CERS6: variants seen among roughly 807,000 people sequenced by gnomAD.
CERS6 encodes the protein ceramide synthase 6, also known as LAG1 homolog, ceramide synthase 6.
CERS6 carries 26 observed loss-of-function variants against 56.8 expected under a neutral mutation model. That is an observed-to-expected ratio of 0.46 (90% CI 0.34 to 0.63). The LOEUF (loss-of-function observed/expected upper bound fraction) is 0.63. Among genes scored for constraint, CERS6 ranks in the 30% least tolerant of loss-of-function variants. The pLI, the probability that CERS6 is intolerant of heterozygous loss-of-function variation, is 0.01. For missense variants in CERS6, 415 were observed against 467.5 expected (o/e 0.89, Z 1.04); for synonymous variants, 164 against 173.3 (o/e 0.95, Z 0.42).
At chr2:168,652,539 A>G (rs897752618) in intron 4 of CERS6, among the ~76,000 whole-genome samples, 5 of 151,972 alleles carry the variant, frequency 3.3e-5, no homozygotes, top group South Asian at 2.1e-4. Context: ...TGCTAAATAA[A>G]TAAGTAGTTT....
At chr2:168,554,015 A>G (rs1450674743) in intron 2 of CERS6, among the ~76,000 whole-genome samples, 1 of 152,184 alleles carries the variant, frequency 6.6e-6, no homozygotes, top group East Asian at 1.9e-4. Flanking sequence ...CTATTGTAGT[A>G]TTGGGTGGTG....
chr2:168,549,088 T>A (rs1695518387), intron 2 of CERS6, among the ~76,000 whole-genome samples: 1 of 152,144 alleles, frequency 6.6e-6, no homozygotes, highest in Non-Finnish European at 1.5e-5. Context: ...CATTTGTAAG[T>A]GTGATTATAA....
At position 168,746,820 on chromosome 2, in the gene CERS6, T is replaced by TATAA. The variant is rs1329677014; in HGVS notation, c.846-18771_846-18770insTAAA. Among the ~76,000 whole-genome samples, 95 of 79,984 alleles carry TATAA rather than the reference T, an allele frequency of 1.2e-3. 1 individual carries two copies. The highest frequency in any genetic ancestry group is 3.8e-3 in the African/African-American group (80 of 20,848). The allele number at this position is 79,984 out of a possible 152,430, so 52.5% of individuals were successfully genotyped here. On this transcript the variant is annotated intron_variant, in intron 8 of 9. Coordinates refer to ENST00000305747, the MANE Select transcript of CERS6 (RefSeq NM_203463.3). Reference sequence around the variant, plus strand: ...ATATATATATATATATATATATATATAAAATCATCTTTGAAAAAATGATTA... The same window carrying TATAA: ...ATATATATATATATATATATATATATATAAAAAATCATCTTTGAAAAAATGATTA...
At chr2:168,764,461 T>C (rs917123614) in intron 8 of CERS6, among the ~76,000 whole-genome samples, 6 of 152,214 alleles carry the variant, frequency 3.9e-5, no homozygotes, top group Non-Finnish European at 7.3e-5. Flanking sequence ...TGTTCTGTAA[T>C]CATTTTTGTC....
intron 1 of CERS6, among the ~76,000 whole-genome samples, chr2:168,484,712 G>T (rs1037684135): frequency 2.6e-5 from 4 of 151,818 alleles, no homozygotes; most frequent in Non-Finnish European, 5.9e-5. Flanking sequence ...TTTCCCTTCA[G>T]ATTAGAACAG....
intron 2 of CERS6, among the ~76,000 whole-genome samples, chr2:168,550,351 A>T (rs28582063): frequency 6.6e-6 from 1 of 151,914 alleles, no homozygotes; most frequent in African/African-American, 2.4e-5. Flanking sequence ...AATGTAAAAA[A>T]TTTTTTTGGA....
chr2:168,625,766 G>C (rs772746064), intron 3 of CERS6, among the ~76,000 whole-genome samples: 2 of 152,100 alleles, frequency 1.3e-5, no homozygotes, highest in African/African-American at 2.4e-5. Flanking sequence ...GAGTGAGTAG[G>C]ACAGAGAAAA....
chr2:168,531,948 C>G (rs1170158084), intron 1 of CERS6, among the ~76,000 whole-genome samples: 1 of 152,050 alleles, frequency 6.6e-6, no homozygotes, highest in Non-Finnish European at 1.5e-5. Context: ...AATTTGGGCT[C>G]CATTGTGAGA....
chr2:168,500,841 TGGA>T (rs1036224834), intron 1 of CERS6, among the ~76,000 whole-genome samples: 8 of 152,292 alleles, frequency 5.3e-5, no homozygotes, highest in African/African-American at 1.7e-4. Context: ...GTGTGTGTGT[TGGA>T]GGGAGTTTAT....
intron 4 of CERS6, among the ~76,000 whole-genome samples, chr2:168,677,607 C>T (rs945444693): frequency 6.6e-6 from 1 of 152,156 alleles, no homozygotes; most frequent in Non-Finnish European, 1.5e-5. Flanking sequence ...AAGTGATTCT[C>T]CTACCTCAGC....
At chr2:168,572,667 A>G (rs1385717074) in intron 3 of CERS6, among the ~76,000 whole-genome samples, 1 of 152,062 alleles carries the variant, frequency 6.6e-6, no homozygotes, top group Non-Finnish European at 1.5e-5. Context: ...TCCACCTCCA[A>G]CTTATGAAGG....
At chr2:168,548,468 T>G (rs1695507147) in intron 2 of CERS6, among the ~76,000 whole-genome samples, 1 of 152,170 alleles carries the variant, frequency 6.6e-6, no homozygotes, top group Admixed American at 6.5e-5. Context: ...ATTACCGAGT[T>G]TTTATATATC....
At chr2:168,540,331 G>A (rs576891897) in intron 1 of CERS6, among the ~76,000 whole-genome samples, 1 of 152,258 alleles carries the variant, frequency 6.6e-6, no homozygotes, top group South Asian at 2.1e-4. Flanking sequence ...TTGACTCACA[G>A]TTCTGCATTG....
At chr2:168,765,472 C>A in intron 8 of CERS6, 120 bp from the exon 9 acceptor site, 1 of 963,510 alleles carries the variant, frequency 1.0e-6, no homozygotes. Context: ...TCACACCATC[C>A]TGCCAGAGAG....
rs540054278 is a variant in CERS6 at position 168,460,019 on chromosome 2, C to G, written c.170+3401C>G. On this transcript the variant is annotated intron_variant, in intron 1 of 9. Transcript: ENST00000305747. ...ACTCAAATTCTAGTCAAAACTTACACTGGGGCAGCCTCCTAATTTATCTCT... is the reference window on the plus strand; with the variant it reads ...ACTCAAATTCTAGTCAAAACTTACAGTGGGGCAGCCTCCTAATTTATCTCT... 2.0e-5 allele frequency among the ~76,000 whole-genome samples: 3 copies of G among 152,208 alleles called. No individual in the cohort carries two copies. The South Asian group carries it at 6.2e-4, about 32-fold the overall frequency.
At chr2:168,682,150 TGG>T (rs1686233205) in intron 4 of CERS6, among the ~76,000 whole-genome samples, 1 of 152,254 alleles carries the variant, frequency 6.6e-6, no homozygotes, top group Admixed American at 6.5e-5. Context: ...GTTGGGTTGC[TGG>T]ATCATATGGT....
At chr2:168,557,926 C>G (rs1425604034) in intron 2 of CERS6, among the ~76,000 whole-genome samples, 1 of 151,962 alleles carries the variant, frequency 6.6e-6, no homozygotes, top group Admixed American at 6.6e-5. Flanking sequence ...ATGAAGATGC[C>G]TTACAAATCA....
chr2:168,644,780 A>G (rs7605222), intron 4 of CERS6, among the ~76,000 whole-genome samples: 54,758 of 151,752 alleles, frequency 0.36, 13,217 homozygotes, highest in African/African-American at 0.68. Flanking sequence ...GAGATAAGCA[A>G]CATGTTCTCA....
At chr2:168,479,562 C>T (rs1374025751) in intron 1 of CERS6, among the ~76,000 whole-genome samples, 4 of 152,114 alleles carry the variant, frequency 2.6e-5, no homozygotes, top group South Asian at 2.1e-4. Flanking sequence ...TTGAGTGTTG[C>T]GATCACTTGT....
Sources: gnomAD v4.1 joint callset for allele counts (sites outside exome capture counted in the v4.1 genomes callset) on GRCh38, gnomAD v4.1.1 for gene constraint, MANE v1.5 for transcripts, NCBI Gene and HGNC (gene_info 2026-07-23, HGNC 2026-07-21) for gene names.